SLC2A13: variants seen among roughly 807,000 people sequenced by gnomAD.
SLC2A13 encodes the protein solute carrier family 2 member 13, also known as proton myo-inositol cotransporter.
A neutral mutation model predicts 64.4 loss-of-function variants in SLC2A13; 32 were observed. That is an observed-to-expected ratio of 0.50 (90% CI 0.37 to 0.67). The LOEUF (loss-of-function observed/expected upper bound fraction) is 0.67. SLC2A13 is among the 30% of genes least tolerant of loss of function. SLC2A13 has a pLI of 0.00. For synonymous variants in SLC2A13, 338 were observed against 327.1 expected (o/e 1.03, Z -0.36); for missense variants, 743 against 829.2 (o/e 0.90, Z 1.28).
chr12:39,764,310 C>T (rs901384347), intron 9 of SLC2A13, 150 bp downstream of exon 9: 6 of 648,866 alleles, frequency 9.2e-6, no homozygotes, highest in African/African-American at 1.9e-5. Context: ...GACACATTTC[C>T]GATGCCTTTG....
rs1939258157 is a variant in SLC2A13, at chr12:40,105,027, CGAGG to C, written c.556+222_556+225del. ...GCCTATCAAAGATTCCACGTGCGCT[CGAGG>C]GAGACTAGAGTGACACCCCCTCCCC... On this transcript the variant is annotated intron_variant, in intron 1 of 9. Transcript: ENST00000280871. The surrounding 1 kb of genome is among the most constrained non-coding windows in gnomAD (Gnocchi z 4.2). Among the ~76,000 whole-genome samples the C allele has an allele frequency of 6.6e-6, 1 of 152,146 alleles. No individual in the cohort carries two copies. The highest frequency in any genetic ancestry group is 1.5e-5 in the Non-Finnish European group (1 of 68,030).
At chr12:39,961,284 T>TG (rs1197759263) in intron 3 of SLC2A13, among the ~76,000 whole-genome samples, 1 of 151,640 alleles carries the variant, frequency 6.6e-6, no homozygotes, top group Admixed American at 6.6e-5. Flanking sequence ...TCACCATGTT[T>TG]GCCAGGCTGG....
At chr12:39,858,896 G>A (rs1003205195) in intron 6 of SLC2A13, among the ~76,000 whole-genome samples, 5 of 152,102 alleles carry the variant, frequency 3.3e-5, no homozygotes, top group African/African-American at 9.7e-5. Context: ...GTGACGCACC[G>A]TGCCCGACCG....
Position 39,826,854 on chromosome 12 carries a change from AT to A in SLC2A13, c.1445+3248del, listed in dbSNP as rs63699664. Among the ~76,000 whole-genome samples, 660 of 67,418 alleles carry A rather than the reference AT, an allele frequency of 9.8e-3. 9 individuals carry two copies. The highest frequency in any genetic ancestry group is 0.042 in the African/African-American group (608 of 14,410). The allele number at this position is 67,418 out of a possible 152,430, so 44.2% of individuals were successfully genotyped here. On this transcript the variant is annotated intron_variant, in intron 7 of 9. Transcript: ENST00000280871. ...TTTATTTCTTTTAAAGTCTCTTTCA[AT>A]TTTTTTTTTTTTTTTTTGCAATGCA...
chr12:40,065,707 G>C (rs552096545), intron 1 of SLC2A13, among the ~76,000 whole-genome samples: 2 of 152,184 alleles, frequency 1.3e-5, no homozygotes, highest in Non-Finnish European at 2.9e-5. Context: ...ATTATTTTCA[G>C]AGGATACAAA....
At chr12:40,014,182 T>G (rs1947579863) in intron 3 of SLC2A13, among the ~76,000 whole-genome samples, 1 of 152,176 alleles carries the variant, frequency 6.6e-6, no homozygotes, top group South Asian at 2.1e-4. Context: ...TGTCAAATAA[T>G]GGATGAATAT....
intron 1 of SLC2A13, among the ~76,000 whole-genome samples, chr12:40,095,998 G>A (rs1391594920): frequency 6.6e-6 from 1 of 151,900 alleles, no homozygotes; most frequent in Non-Finnish European, 1.5e-5. Flanking sequence ...GCAGTGGCAC[G>A]ATCTCAGCTC....
chr12:40,019,530 A>G (rs1947679047), intron 3 of SLC2A13, among the ~76,000 whole-genome samples: 1 of 152,186 alleles, frequency 6.6e-6, no homozygotes, highest in African/African-American at 2.4e-5. Context: ...TTTTCCCAGT[A>G]CAACGTGGAT....
Position 39,764,604 on chromosome 12 carries a change from G to A in SLC2A13, c.1576C>T (p.Pro526Ser), listed in dbSNP as rs773543569. The change falls in exon 9 of 10, where the codon CCA becomes TCA. Residue 526 changes from proline (P) to serine (S), a missense_variant. Around this residue, in one of 2 missense-constraint regions of SLC2A13, gnomAD observed 295 missense variants for 381.7 expected, o/e 0.77. Transcript: ENST00000280871. Reference sequence around the variant, plus strand: ...TCAGAATTCACAGTCCAAGGCATTGGTCCCATTCCTGAGAAATAAAACATT... The same window carrying A: ...TCAGAATTCACAGTCCAAGGCATTGATCCCATTCCTGAGAAATAAAACATT... ...YLVFFAPGMGPMPWTVNSEIY... is the reference protein window; with the variant it reads ...YLVFFAPGMGSMPWTVNSEIY... The A allele has an allele frequency of 3.8e-6, 6 of 1,588,670 alleles. No individual in the cohort carries two copies. In the East Asian group the frequency reaches 1.3e-4, roughly 36 times the overall value.
intron 7 of SLC2A13, among the ~76,000 whole-genome samples, chr12:39,768,673 C>T (rs139044392): frequency 3.0e-4 from 45 of 152,074 alleles, no homozygotes; most frequent in African/African-American, 9.2e-4. Flanking sequence ...AGTTTGACGT[C>T]TTATACGGGT....
Position 39,864,815 on chromosome 12 carries a change from G to T in SLC2A13, c.1266C>A (p.Ile422=), listed in dbSNP as rs772607959. ...FVLSAQVSPR[I]TFKPIAPSGQ... is the part of the protein sequence containing the mutation. ...CTGACGGAGCTATTGGCTTAAAAGT[G>T]ATGCGTGGGGAAACTTGGGCTGATA... Residue 422 remains isoleucine, a synonymous_variant, in exon 6 of 10, where the codon ATC becomes ATA. Coordinates refer to ENST00000280871, the MANE Select transcript of SLC2A13 (RefSeq NM_052885.4). The T allele has an allele frequency of 5.0e-6, 8 of 1,614,042 alleles. No individual in the cohort carries two copies. Among genetic ancestry groups the T allele is most frequent in the Non-Finnish European group, 6.8e-6 (8 of 1,179,966 alleles).
chr12:39,993,705 T>C (rs1198126431), intron 3 of SLC2A13, among the ~76,000 whole-genome samples: 1 of 152,250 alleles, frequency 6.6e-6, no homozygotes, highest in Non-Finnish European at 1.5e-5. Flanking sequence ...TTATTGCTTA[T>C]TTAATAGGTC....
intron 2 of SLC2A13, among the ~76,000 whole-genome samples, chr12:40,035,802 T>C (rs1489924902): frequency 6.6e-6 from 1 of 152,186 alleles, no homozygotes; most frequent in Non-Finnish European, 1.5e-5. Flanking sequence ...TATAAGTGGC[T>C]TGGCCAGGGT....
intron 4 of SLC2A13, among the ~76,000 whole-genome samples, chr12:39,939,423 AG>A (rs924878442): frequency 1.3e-5 from 2 of 152,188 alleles, no homozygotes; most frequent in Non-Finnish European, 2.9e-5. Flanking sequence ...GCCATCAAAA[AG>A]GGTTTTAGAC....
intron 4 of SLC2A13, among the ~76,000 whole-genome samples, chr12:39,912,526 T>C (rs966188802): frequency 1.3e-5 from 2 of 151,994 alleles, no homozygotes; most frequent in African/African-American, 4.8e-5. Flanking sequence ...TATCCTAATA[T>C]GGATAGAAAA....
chr12:39,808,991 GT>G (rs1342098400), intron 7 of SLC2A13, among the ~76,000 whole-genome samples: 5 of 151,978 alleles, frequency 3.3e-5, no homozygotes, highest in Non-Finnish European at 7.4e-5. Context: ...TTACCCTGAT[GT>G]CGCAAAGATT....
At chr12:40,100,867 A>G (rs1939120372) in intron 1 of SLC2A13, among the ~76,000 whole-genome samples, 1 of 146,832 alleles carries the variant, frequency 6.8e-6, no homozygotes, top group Non-Finnish European at 1.5e-5. Context: ...CAGGAGGCTG[A>G]GGCAGGAGAA....
At chr12:39,872,015 G>T in intron 4 of SLC2A13, 54 bp from the exon 5 acceptor site, 1 of 1,399,808 alleles carries the variant, frequency 7.1e-7, no homozygotes, top group Non-Finnish European at 9.4e-7. Flanking sequence ...AAGAAACAGG[G>T]TTATTTTGAT....
chr12:39,846,440 A>G (rs928616989), intron 6 of SLC2A13, among the ~76,000 whole-genome samples: 2 of 152,126 alleles, frequency 1.3e-5, no homozygotes, highest in East Asian at 1.9e-4. Context: ...ATGATCTTCT[A>G]AAATTCACTT....
Sources: allele counts gnomAD v4.1 joint callset (sites outside exome capture counted in the v4.1 genomes callset), GRCh38; gene constraint gnomAD v4.1.1; regional missense constraint gnomAD v4.1.1; non-coding constraint Gnocchi (gnomAD v3.1); transcripts MANE v1.5; gene names NCBI Gene and HGNC (gene_info 2026-07-23, HGNC 2026-07-21).